The following RNF19A variants were observed in gnomAD, a reference collection of about 807,000 sequenced individuals.
RNF19A encodes E3 ubiquitin-protein ligase RNF19A.
Under a neutral mutation model 75.7 loss-of-function variants are expected in RNF19A, and 32 were observed. That is an observed-to-expected ratio of 0.42 (90% CI 0.32 to 0.57). The LOEUF (loss-of-function observed/expected upper bound fraction) is 0.57. RNF19A is among the 20% of genes least tolerant of loss of function. The pLI, the probability that RNF19A is intolerant of heterozygous loss-of-function variation, is 0.10. For synonymous variants in RNF19A, 335 were observed against 345.2 expected, an observed-to-expected ratio of 0.97 and a Z score of 0.33; for missense variants, 782 against 1,036.3, an observed-to-expected ratio of 0.75 and a Z score of 3.37.
At chr8:100,309,529 T>C in intron 1 of RNF19A, 7 of 985,394 alleles carry the variant, frequency 7.1e-6, no homozygotes, top group Middle Eastern at 5.2e-4. Context: ...CCCGTCATAA[T>C]ATCGCCGGGC....
Position 100,258,970 on chromosome 8 carries a change from T to C in RNF19A, c.2103A>G (p.Gln701=), listed in dbSNP as rs1294411961. 3 of 1,614,260 alleles carry C rather than the reference T, an allele frequency of 1.9e-6. No individual in the cohort carries two copies. The highest frequency in any genetic ancestry group is 2.5e-6 in the Non-Finnish European group (3 of 1,180,054). Residue 701 remains glutamine (Q), a synonymous_variant, in exon 10 of 10, where the codon CAA becomes CAG. Coordinates refer to ENST00000341084, the MANE Select transcript of RNF19A (RefSeq NM_183419.4). This position sits in a 1 kb window ranked among gnomAD's most constrained non-coding sequence, Gnocchi z 4.3. ...CCTCAAATTCACTTGAGTTCGTGCT[T>C]TGTTGTTCTAACAACTGTGCATCCA... The part of the protein sequence containing the change: ...EDMDAQLLEQ[Q]STNSSEFEAP...
intron 1 of RNF19A, among the ~76,000 whole-genome samples, chr8:100,308,492 TAAAG>T (rs905920187): frequency 1.3e-5 from 2 of 152,154 alleles, no homozygotes; most frequent in African/African-American, 2.4e-5. Flanking sequence ...CAGTCAGTGT[TAAAG>T]AAGCAAAAAC....
At chr8:100,311,055 A>G (rs1822282384), upstream of RNF19A, among the ~76,000 whole-genome samples, 2 of 152,234 alleles carry the variant, frequency 1.3e-5, no homozygotes, top group South Asian at 4.1e-4. Context: ...TCCATTTGCC[A>G]TCTGTTACTT....
chr8:100,276,504 C>A (rs985202954), intron 2 of RNF19A, among the ~76,000 whole-genome samples: 8 of 152,012 alleles, frequency 5.3e-5, no homozygotes. Context: ...GTAATCCCAG[C>A]ACTTTGTGGG....
intron 7 of RNF19A, 94 bp downstream of exon 7, chr8:100,263,940 G>T: frequency 9.8e-7 from 1 of 1,023,876 alleles, no homozygotes; most frequent in Non-Finnish European, 1.5e-6. Flanking sequence ...GTAAAAGGAT[G>T]GCAATGGAAA....
chr8:100,318,567 T>C (rs1283441862), intron 1 of RNF19A, among the ~76,000 whole-genome samples: 1 of 152,236 alleles, frequency 6.6e-6, no homozygotes, highest in Non-Finnish European at 1.5e-5. Flanking sequence ...TCCACACTTA[T>C]GAAATATAAC....
chr8:100,300,287 T>C (rs1788208), intron 1 of RNF19A, among the ~76,000 whole-genome samples: 48,901 of 152,154 alleles, frequency 0.32, 8,571 homozygotes, highest in East Asian at 0.41. Context: ...ATCTAGGTAA[T>C]AATTACACAG....
chr8:100,272,404 A>T (rs1242810523), intron 3 of RNF19A, among the ~76,000 whole-genome samples: 9 of 152,156 alleles, frequency 5.9e-5, no homozygotes, highest in Admixed American at 3.3e-4. Context: ...ATTAATATTA[A>T]AAGTAAAACT....
At chr8:100,313,430 G>C, upstream of RNF19A, 1 of 364,920 alleles carries the variant, frequency 2.7e-6, no homozygotes, top group Non-Finnish European at 3.8e-6. Flanking sequence ...AGGAACAGCA[G>C]ACGCAAAGGT....
At chr8:100,313,824 G>T (rs1822335467), upstream of RNF19A, among the ~76,000 whole-genome samples, 1 of 151,878 alleles carries the variant, frequency 6.6e-6, no homozygotes, top group Non-Finnish European at 1.5e-5. Flanking sequence ...TTTTGGTTTT[G>T]GTTTTGGTTT....
chr8:100,334,982 A>C (rs1160764661), intron 1 of RNF19A, among the ~76,000 whole-genome samples: 1 of 152,226 alleles, frequency 6.6e-6, no homozygotes, highest in African/African-American at 2.4e-5. Context: ...AGATCTCCCC[A>C]AACAATACCC....
intron 5 of RNF19A, among the ~76,000 whole-genome samples, chr8:100,266,537 GTCTC>G (rs1819987479): frequency 6.6e-6 from 1 of 151,986 alleles, no homozygotes; most frequent in Non-Finnish European, 1.5e-5. Flanking sequence ...TGGAAATAGG[GTCTC>G]TCTGTGTCGC....
chr8:100,259,088 T>C lies in RNF19A; in HGVS notation c.1985A>G (p.Lys662Arg), dbSNP rs1179815855. ...GLPEGKSSAT[K>R]WSKEATAGKK... is the part of the protein sequence containing the mutation. ...CCCTGCTGTTGCTTCTTTGGACCACTTGGTGGCACTAGATTTACCTTCAGG... is the reference window on the plus strand; with the variant it reads ...CCCTGCTGTTGCTTCTTTGGACCACCTGGTGGCACTAGATTTACCTTCAGG... Residue 662 changes from lysine to arginine, a missense_variant, in exon 10 of 10, where the codon AAG becomes AGG. Coordinates refer to ENST00000341084, the MANE Select transcript of RNF19A (RefSeq NM_183419.4). This position sits in a 1 kb window ranked among gnomAD's most constrained non-coding sequence, Gnocchi z 4.5. 6.2e-7 allele frequency: 1 copy of C among 1,614,210 alleles called. No individual in the cohort carries two copies. Among genetic ancestry groups the C allele is most frequent in the South Asian group, 1.1e-5 (1 of 91,080 alleles).
rs1183537216 is a variant in RNF19A at position 100,287,515 on chromosome 8, T to C, written c.660A>G (p.Pro220=). 2.5e-6 allele frequency: 4 copies of C among 1,610,688 alleles called. No individual in the cohort carries two copies. Among genetic ancestry groups the C allele is most frequent in the Middle Eastern group, 1.6e-4 (1 of 6,070 alleles). Residue 220 remains proline (P), a synonymous_variant, in exon 2 of 10, where the codon CCA becomes CCG. Transcript: ENST00000341084. This position sits in a 1 kb window ranked among gnomAD's most constrained non-coding sequence, Gnocchi z 4.1. ...LVADPDCRWC[P]APDCGYAVIA... is the part of the protein sequence containing the mutation. ...TATCTTCTTACCCACAGTCTGGAGC[T>C]GGACACCACCTACAATCAGGATCTG...
At chr8:100,278,340 T>C (rs1169605334) in intron 2 of RNF19A, among the ~76,000 whole-genome samples, 2 of 152,230 alleles carry the variant, frequency 1.3e-5, no homozygotes, top group Admixed American at 6.5e-5. Context: ...GGATTGAATA[T>C]TAATATCTGA....
At chr8:100,288,885 C>G (rs573078548) in intron 1 of RNF19A, among the ~76,000 whole-genome samples, 125 of 152,014 alleles carry the variant, frequency 8.2e-4, no homozygotes, top group Admixed American at 1.5e-3. Flanking sequence ...ACAGTGAAAC[C>G]CTGTCTCTTT....
intron 3 of RNF19A, among the ~76,000 whole-genome samples, chr8:100,272,367 G>GA (rs201597779): frequency 8.0e-5 from 12 of 150,776 alleles, no homozygotes; most frequent in African/African-American, 1.7e-4. Flanking sequence ...AGTGACTGGG[G>GA]AAAAAAAACA....
chr8:100,318,340 C>G (rs1192206836), intron 1 of RNF19A, among the ~76,000 whole-genome samples: 1 of 152,170 alleles, frequency 6.6e-6, no homozygotes, highest in Non-Finnish European at 1.5e-5. Context: ...ATTTTATATA[C>G]TTAACTCACT....
intron 2 of RNF19A, among the ~76,000 whole-genome samples, chr8:100,282,813 G>A (rs1486633831): frequency 6.6e-6 from 1 of 152,172 alleles, no homozygotes; most frequent in Non-Finnish European, 1.5e-5. Context: ...AAAAATACAT[G>A]TTATTTAGTC....
Sources: allele counts gnomAD v4.1 joint callset (sites outside exome capture counted in the v4.1 genomes callset), GRCh38; gene constraint gnomAD v4.1.1; non-coding constraint Gnocchi (gnomAD v3.1); transcripts MANE v1.5; gene names NCBI Gene and HGNC (gene_info 2026-07-23, HGNC 2026-07-21).